C10orf67: variants seen among roughly 807,000 people sequenced by gnomAD.
C10orf67 encodes the protein uncharacterized protein C10orf67, mitochondrial.
A neutral mutation model predicts 35.6 loss-of-function variants in C10orf67; 60 were observed. That is an observed-to-expected ratio of 1.68 (90% CI 1.37 to 2.09). The LOEUF is 2.09. Among genes scored for constraint, C10orf67 ranks in the 30% most tolerant of loss-of-function variants. The pLI is 0.00. For missense variants in C10orf67, 474 were observed against 330.2 expected (o/e 1.44, Z -3.38); for synonymous variants, 167 against 115.8 (o/e 1.44, Z -2.84).
chr10:23,330,888 T>C lies in C10orf67; in HGVS notation c.327+2174A>G, dbSNP rs111971770. Among the ~76,000 whole-genome samples the C allele has an allele frequency of 2.1e-3, 313 of 151,956 alleles. 1 individual carries two copies. Among genetic ancestry groups the C allele is most frequent in the African/African-American group, 7.0e-3 (292 of 41,424 alleles). On this transcript the variant is annotated intron_variant, in intron 2 of 15. Transcript: ENST00000636213. ...CTGTATATTGTTTCAACCTCACGGTTCAAACAGTAGGATCCATGCTCTAGC... is the reference window on the plus strand; with the variant it reads ...CTGTATATTGTTTCAACCTCACGGTCCAAACAGTAGGATCCATGCTCTAGC...
chr10:23,239,847 T>G, intron 12 of C10orf67, 31 bp from the exon 13 acceptor site: 1 of 600,996 alleles, frequency 1.7e-6, no homozygotes, highest in South Asian at 2.1e-5. Flanking sequence ...AAACTTAAAA[T>G]GTATGTAAAT....
chr10:23,263,846 C>T (rs1842815842), intron 10 of C10orf67, among the ~76,000 whole-genome samples: 1 of 152,166 alleles, frequency 6.6e-6, no homozygotes, highest in African/African-American at 2.4e-5. Context: ...CATAAAAGCA[C>T]TGTACAAATA....
chr10:23,344,438 C>G (rs1047907388), intron 1 of C10orf67, 131 bp downstream of exon 1: 1 of 909,332 alleles, frequency 1.1e-6, no homozygotes, highest in Non-Finnish European at 1.7e-6. Context: ...CCCCACAAGA[C>G]TCCCACAGCC....
intron 9 of C10orf67, 34 bp downstream of exon 9, chr10:23,267,156 TAAAAG>T (rs758213635): frequency 2.9e-6 from 2 of 696,840 alleles, no homozygotes; most frequent in South Asian, 3.1e-5. Flanking sequence ...AAGCACAAAA[TAAAAG>T]AGAAAGAGAG....
intron 8 of C10orf67, among the ~76,000 whole-genome samples, chr10:23,271,244 C>T (rs1405427638): frequency 4.6e-5 from 7 of 152,106 alleles, no homozygotes; most frequent in Non-Finnish European, 7.3e-5. Flanking sequence ...GTATATGCAC[C>T]CAATACTGGA....
intron 10 of C10orf67, among the ~76,000 whole-genome samples, chr10:23,263,146 G>T (rs1041997850): frequency 1.3e-5 from 2 of 152,144 alleles, no homozygotes; most frequent in African/African-American, 2.4e-5. Context: ...TTCCCAAACT[G>T]CTCTGCAGCT....
intron 12 of C10orf67, among the ~76,000 whole-genome samples, chr10:23,248,909 C>T (rs1842378464): frequency 2.6e-5 from 4 of 151,758 alleles, no homozygotes; most frequent in Non-Finnish European, 5.9e-5. Flanking sequence ...TGATTGTCAA[C>T]ATCTTGGTTA....
intron 7 of C10orf67, 121 bp downstream of exon 7, chr10:23,289,779 T>A (rs1351471369): frequency 5.0e-6 from 3 of 600,734 alleles, no homozygotes; most frequent in Non-Finnish European, 9.0e-6. Context: ...TGGGGAGAGA[T>A]TAAATATGTG....
At chr10:23,256,941 A>T (rs970738688) in intron 10 of C10orf67, among the ~76,000 whole-genome samples, 2 of 152,186 alleles carry the variant, frequency 1.3e-5, no homozygotes, top group South Asian at 4.1e-4. Flanking sequence ...TTAGGTATCA[A>T]ATCCCATTTA....
intron 8 of C10orf67, among the ~76,000 whole-genome samples, chr10:23,270,648 C>A (rs776590768): frequency 6.6e-6 from 1 of 152,204 alleles, no homozygotes; most frequent in African/African-American, 2.4e-5. Context: ...TCCAGACAGA[C>A]AGCAGCAACA....
rs543003799 is a variant in C10orf67 at position 23,242,484 on chromosome 10, A to G, written c.1347-2668T>C. ...GAAAATGATTTCAGATGAAAACACA[A>G]TAAGCAGAAAAAAATGAGAAGCCCA... is the stretch of plus-strand genomic sequence containing the variant. On this transcript the variant is annotated intron_variant, in intron 12 of 15. Transcript: ENST00000636213. Among the ~76,000 whole-genome samples, 4 of 152,376 alleles carry G rather than the reference A, an allele frequency of 2.6e-5. No homozygotes were observed. The South Asian group carries it at 8.3e-4, about 32-fold the overall frequency.
intron 15 of C10orf67, among the ~76,000 whole-genome samples, chr10:23,220,245 G>A (rs1015547504): frequency 7.2e-5 from 11 of 152,126 alleles, no homozygotes; most frequent in South Asian, 2.1e-4. Context: ...TTGCTTTCAC[G>A]GGGAGATTAA....
At chr10:23,323,966 CAT>C (rs1554816689) in intron 2 of C10orf67, among the ~76,000 whole-genome samples, 2 of 107,058 alleles carry the variant, frequency 1.9e-5, no homozygotes, top group South Asian at 3.2e-4. Flanking sequence ...CACACACACA[CAT>C]ATGAGTTAAA....
At chr10:23,246,653 T>C (rs1390985241) in intron 12 of C10orf67, among the ~76,000 whole-genome samples, 5 of 152,192 alleles carry the variant, frequency 3.3e-5, no homozygotes, top group Non-Finnish European at 5.9e-5. Flanking sequence ...AAGATTATAA[T>C]GGAGCTGAAA....
chr10:23,248,474 G>T (rs1253530851), intron 12 of C10orf67, among the ~76,000 whole-genome samples: 1 of 152,158 alleles, frequency 6.6e-6, no homozygotes, highest in African/African-American at 2.4e-5. Context: ...TGGAAATGAA[G>T]CCCTGAATTG....
At chr10:23,339,263 G>C (rs1339036377) in intron 1 of C10orf67, among the ~76,000 whole-genome samples, 2 of 152,118 alleles carry the variant, frequency 1.3e-5, no homozygotes, top group Admixed American at 1.3e-4. Context: ...GAAGTGGATT[G>C]ATTCTGAATA....
chr10:23,291,486 G>T (rs1218067808), intron 5 of C10orf67, among the ~76,000 whole-genome samples: 1 of 152,204 alleles, frequency 6.6e-6, no homozygotes, highest in East Asian at 1.9e-4. Flanking sequence ...CAACACATGG[G>T]GACATTTTAT....
At chr10:23,239,618 A>G (rs1842129468) in intron 13 of C10orf67, 111 bp downstream of exon 13, 1 of 516,332 alleles carries the variant, frequency 1.9e-6, no homozygotes, top group Non-Finnish European at 3.7e-6. Flanking sequence ...GCCTTGTACT[A>G]TCTCTAGAGC....
chr10:23,280,932 T>A (rs538621497), intron 8 of C10orf67, among the ~76,000 whole-genome samples: 2 of 152,158 alleles, frequency 1.3e-5, no homozygotes, highest in South Asian at 4.1e-4. Flanking sequence ...ATTTAGTTGT[T>A]TGTTTTCCAA....
Sources: gnomAD v4.1 joint callset for allele counts (sites outside exome capture counted in the v4.1 genomes callset) on GRCh38, gnomAD v4.1.1 for gene constraint, MANE v1.5 for transcripts, NCBI Gene and HGNC (gene_info 2026-07-23, HGNC 2026-07-21) for gene names.